Variants in OLFM3 observed in about 807,000 individuals in gnomAD.
The protein encoded by OLFM3 is olfactomedin 3.
OLFM3 carries 20 observed loss-of-function variants against 48.6 expected under a neutral mutation model. The ratio of observed to expected loss-of-function variants is 0.41; its 90% CI spans 0.29 to 0.60. OLFM3 has a LOEUF of 0.60. OLFM3 is among the 20% of genes least tolerant of loss of function. The probability of loss-of-function intolerance (pLI) is 0.28; values close to 1 mark genes in which losing one functional copy is unlikely to be tolerated. For synonymous variants in OLFM3, 222 were observed against 198.1 expected, an observed-to-expected ratio of 1.12 and a Z score of -1.01; for missense variants, 437 against 544.3, an observed-to-expected ratio of 0.80 and a Z score of 1.96.
At position 101,852,545 on chromosome 1, in the gene OLFM3, A is replaced by AT. The variant is rs1446684637; in HGVS notation, c.70-15521dup. ...CTATATGCTAATGATTCCCAAATTC[A>AT]TTTTTTCCCAGCAGACCTCTCCTAT... On this transcript the variant is annotated intron_variant, in intron 1 of 5. Transcript: ENST00000370103. Among the ~76,000 whole-genome samples the AT allele has an allele frequency of 2.0e-5, 3 of 151,836 alleles. No homozygotes were observed. The East Asian group carries it at 5.8e-4, about 29-fold the overall frequency.
At chr1:101,931,828 T>C (rs772949330) in intron 1 of OLFM3, among the ~76,000 whole-genome samples, 5 of 152,164 alleles carry the variant, frequency 3.3e-5, no homozygotes, top group Non-Finnish European at 7.3e-5. Context: ...AATCTTTCTG[T>C]AGCTTTGTGG....
At chr1:101,982,650 T>C (rs755879484) in intron 1 of OLFM3, among the ~76,000 whole-genome samples, 6 of 152,312 alleles carry the variant, frequency 3.9e-5, no homozygotes, top group Non-Finnish European at 7.4e-5. Context: ...CAGGCCTGCA[T>C]AGAACAATAA....
intron 1 of OLFM3, among the ~76,000 whole-genome samples, chr1:101,905,056 G>A (rs1658508787): frequency 6.6e-6 from 1 of 152,094 alleles, no homozygotes; most frequent in Non-Finnish European, 1.5e-5. Context: ...TGGTAGTGAG[G>A]TTGTGGCAAC....
At position 101,939,066 on chromosome 1, in the gene OLFM3, G is replaced by A. The variant is rs184269766; in HGVS notation, c.69+57682C>T. Among the ~76,000 whole-genome samples, 7 of 151,780 alleles carry A rather than the reference G, an allele frequency of 4.6e-5. No homozygotes were observed. In the East Asian group the frequency reaches 1.4e-3, roughly 29 times the overall value. On this transcript the variant is annotated intron_variant, in intron 1 of 5. Transcript: ENST00000370103. Reference sequence around the variant, plus strand: ...GTAGGTCTCACTTGGTAAAATCCCTGCAATGCTTAAAAAAAAATCCATAAA... The same window carrying A: ...GTAGGTCTCACTTGGTAAAATCCCTACAATGCTTAAAAAAAAATCCATAAA...
chr1:101,866,336 A>T (rs967781107), intron 1 of OLFM3, among the ~76,000 whole-genome samples: 4 of 152,132 alleles, frequency 2.6e-5, no homozygotes, highest in Non-Finnish European at 5.9e-5. Context: ...AAATATATCC[A>T]TTCTATTTTA....
chr1:101,954,957 A>G (rs1226680383), intron 1 of OLFM3, among the ~76,000 whole-genome samples: 1 of 152,072 alleles, frequency 6.6e-6, no homozygotes, highest in Non-Finnish European at 1.5e-5. Context: ...TCTGCACACC[A>G]AACTCAGTTT....
intron 1 of OLFM3, among the ~76,000 whole-genome samples, chr1:101,912,522 G>A (rs555716693): frequency 1.7e-4 from 26 of 152,164 alleles, no homozygotes; most frequent in Non-Finnish European, 3.7e-4. Flanking sequence ...AATTCCAAAA[G>A]TCACGCAATT....
At chr1:101,841,268 G>A (rs773270312) in intron 1 of OLFM3, among the ~76,000 whole-genome samples, 7 of 152,074 alleles carry the variant, frequency 4.6e-5, no homozygotes, top group East Asian at 1.9e-4. Flanking sequence ...TTTCTTGAAC[G>A]AACTATCCTT....
chr1:101,812,040 A>G (rs1406402571), intron 4 of OLFM3, among the ~76,000 whole-genome samples: 2 of 152,182 alleles, frequency 1.3e-5, no homozygotes, highest in African/African-American at 4.8e-5. Flanking sequence ...TTGTAGGGAC[A>G]TGGATGAAGC....
At chr1:101,867,513 A>G (rs182189927) in intron 1 of OLFM3, among the ~76,000 whole-genome samples, 1 of 152,344 alleles carries the variant, frequency 6.6e-6, no homozygotes, top group East Asian at 1.9e-4. Context: ...CTAGAATACT[A>G]TACCACAAAC....
At chr1:101,962,725 C>T (rs1660502417) in intron 1 of OLFM3, among the ~76,000 whole-genome samples, 1 of 152,158 alleles carries the variant, frequency 6.6e-6, no homozygotes, top group African/African-American at 2.4e-5. Flanking sequence ...TATTCTTCCT[C>T]TTTCATCTCA....
Position 101,837,038 on chromosome 1 carries a change from A to T in OLFM3, c.70-13T>A. On this transcript the variant is annotated splice_polypyrimidine_tract_variant and intron_variant, in intron 1 of 5. Coordinates refer to ENST00000370103, the MANE Select transcript of OLFM3 (RefSeq NM_058170.4). ...GACTAATCTGAGTCTGAGGAAACCA[A>T]AGGGAAACATAAAACACAGACTCCT... 6.2e-7 allele frequency: 1 copy of T among 1,606,352 alleles called. No homozygotes were observed. The highest frequency in any genetic ancestry group is 1.1e-5 in the South Asian group (1 of 89,752).
At chr1:101,815,901 A>G (rs1337449557) in intron 4 of OLFM3, among the ~76,000 whole-genome samples, 1 of 152,228 alleles carries the variant, frequency 6.6e-6, no homozygotes, top group African/African-American at 2.4e-5. Flanking sequence ...CTCAGAGGGA[A>G]GGCATACACA....
intron 1 of OLFM3, among the ~76,000 whole-genome samples, chr1:101,889,588 A>G (rs894717664): frequency 1.4e-4 from 22 of 152,126 alleles, no homozygotes; most frequent in African/African-American, 3.1e-4. Flanking sequence ...CCAACATAGC[A>G]CATGTATACA....
chr1:101,898,850 A>AAAAC lies in OLFM3; in HGVS notation c.70-61829_70-61826dup, dbSNP rs929995563. Among the ~76,000 whole-genome samples the AAAAC allele has an allele frequency of 6.6e-5, 10 of 152,290 alleles. No individual in the cohort carries two copies. In the East Asian group the frequency reaches 1.7e-3, roughly 26 times the overall value. ...AGTGACAGAGCAAGACTGTGTCTCAAAAACAAACAAACAAACAAAAAAAAC... is the reference window on the plus strand; with the variant it reads ...AGTGACAGAGCAAGACTGTGTCTCAAAAACAAACAAACAAACAAACAAAAAAAAC... On this transcript the variant is annotated intron_variant, in intron 1 of 5. Coordinates refer to ENST00000370103, the MANE Select transcript of OLFM3 (RefSeq NM_058170.4).
intron 1 of OLFM3, among the ~76,000 whole-genome samples, chr1:101,926,595 G>A (rs571536366): frequency 7.5e-4 from 114 of 152,296 alleles, no homozygotes; most frequent in African/African-American, 2.7e-3. Flanking sequence ...GCAGATATAA[G>A]TGAAGTAAAG....
intron 4 of OLFM3, among the ~76,000 whole-genome samples, chr1:101,815,897 G>A (rs1200787501): frequency 6.6e-6 from 1 of 152,124 alleles, no homozygotes; most frequent in African/African-American, 2.4e-5. Context: ...TTGCCTCAGA[G>A]GGAAGGCATA....
At chr1:101,860,390 A>G (rs1207607868) in intron 1 of OLFM3, among the ~76,000 whole-genome samples, 1 of 152,092 alleles carries the variant, frequency 6.6e-6, no homozygotes, top group African/African-American at 2.4e-5. Context: ...CTTAATTCAT[A>G]TATGTGTGTG....
chr1:101,837,031 G>A lies in OLFM3; in HGVS notation c.70-6C>T, dbSNP rs1348092737. ...TCTTTAGGACTAATCTGAGTCTGAG[G>A]AAACCAAAGGGAAACATAAAACACA... is the stretch of plus-strand genomic sequence containing the variant. On this transcript the variant is annotated splice_polypyrimidine_tract_variant and splice_region_variant and intron_variant, in intron 1 of 5. Transcript: ENST00000370103. 3 of 1,606,150 alleles carry A rather than the reference G, an allele frequency of 1.9e-6. No homozygotes were observed. Among genetic ancestry groups the A allele is most frequent in the Non-Finnish European group, 1.7e-6 (2 of 1,175,776 alleles).
Sources: gnomAD v4.1 joint callset for allele counts (sites outside exome capture counted in the v4.1 genomes callset) on GRCh38, gnomAD v4.1.1 for gene constraint, MANE v1.5 for transcripts, NCBI Gene and HGNC (gene_info 2026-07-23, HGNC 2026-07-21) for gene names.